DAPK2: variants seen among roughly 807,000 people sequenced by gnomAD.
DAPK2 encodes death associated protein kinase 2.
Under a neutral mutation model 44.1 loss-of-function variants are expected in DAPK2, and 35 were observed. The ratio of observed to expected loss-of-function variants is 0.79; its 90% CI spans 0.61 to 1.05. The LOEUF (loss-of-function observed/expected upper bound fraction) is 1.05. DAPK2 is among the 50% of genes least tolerant of loss of function. DAPK2 has a pLI of 0.00. For synonymous variants in DAPK2, 174 were observed against 182.6 expected, an observed-to-expected ratio of 0.95 and a Z score of 0.38; for missense variants, 453 against 483.2, an observed-to-expected ratio of 0.94 and a Z score of 0.59.
intron 1 of DAPK2, among the ~76,000 whole-genome samples, chr15:64,036,975 G>T (rs1431138534): frequency 1.3e-5 from 2 of 152,136 alleles, no homozygotes; most frequent in Non-Finnish European, 2.9e-5. Flanking sequence ...AGCTCTGAGA[G>T]GGATTCCTGA....
At chr15:64,002,185 C>T (rs2079102232) in intron 1 of DAPK2, among the ~76,000 whole-genome samples, 1 of 152,202 alleles carries the variant, frequency 6.6e-6, no homozygotes, top group Admixed American at 6.5e-5. Context: ...TCCAAGGTGG[C>T]ACCTCTGATC....
chr15:64,014,549 C>T (rs1157097665), intron 1 of DAPK2, among the ~76,000 whole-genome samples: 1 of 152,202 alleles, frequency 6.6e-6, no homozygotes, highest in Non-Finnish European at 1.5e-5. Context: ...CCAAAGACTG[C>T]ATGGTACTGC....
chr15:63,927,292 G>T (rs968726845), intron 6 of DAPK2, among the ~76,000 whole-genome samples: 1 of 152,144 alleles, frequency 6.6e-6, no homozygotes, highest in Non-Finnish European at 1.5e-5. Context: ...ATCAAGAGTT[G>T]GTCCTTACCC....
At chr15:63,978,076 C>T (rs1023708771) in intron 2 of DAPK2, among the ~76,000 whole-genome samples, 6 of 152,238 alleles carry the variant, frequency 3.9e-5, no homozygotes, top group Middle Eastern at 3.4e-3. Context: ...GCAAGAAAGA[C>T]ATTCAATCAG....
chr15:64,020,760 T>TACTA lies in DAPK2; in HGVS notation c.92+19406_92+19409dup, dbSNP rs1404835043. On this transcript the variant is annotated intron_variant, in intron 1 of 10. Coordinates refer to ENST00000261891, the Ensembl canonical transcript of DAPK2. The surrounding 1 kb of genome is among the most constrained non-coding windows in gnomAD (Gnocchi z 4.5). Reference sequence around the variant, plus strand: ...TCCCTGTTCCCAAAAGCACCTCAGGTACTAGAAGGAATAAATCAAAAGGGA... The same window carrying TACTA: ...TCCCTGTTCCCAAAAGCACCTCAGGTACTAACTAGAAGGAATAAATCAAAAGGGA... Among the ~76,000 whole-genome samples the TACTA allele has an allele frequency of 3.9e-5, 6 of 152,222 alleles. No homozygotes were observed. In the East Asian group the frequency reaches 1.2e-3, roughly 29 times the overall value.
chr15:63,925,818 G>C lies in DAPK2; in HGVS notation c.812+123C>G, dbSNP rs899330339. The C allele has an allele frequency of 1.4e-5, 18 of 1,269,944 alleles. No homozygotes were observed. The East Asian group carries it at 4.2e-4, about 30-fold the overall frequency. 78.7% of individuals were successfully genotyped at this position (1,269,944 alleles called of 1,614,324 possible). A position where few individuals can be genotyped will look rare whatever the true frequency, so the allele number is the denominator to read the frequency against. ...AGGCCACACTTTCCAGCACCTGCCC[G>C]GATTAGACCACAACAGTGCAGATGA... On this transcript the variant is annotated intron_variant, in intron 7 of 10. Transcript: ENST00000261891.
Position 63,971,578 on chromosome 15 carries a change from G to T in DAPK2, c.315-17C>A, listed in dbSNP as rs542038570. On this transcript the variant is annotated splice_polypyrimidine_tract_variant and intron_variant, in intron 2 of 10. Coordinates refer to ENST00000261891, the Ensembl canonical transcript of DAPK2. ...CCAGACACTCTGTAAAACACCAGCGGGGGGAGGGGAGGCCCAGGCCCAGTC... is the reference window on the plus strand; with the variant it reads ...CCAGACACTCTGTAAAACACCAGCGTGGGGAGGGGAGGCCCAGGCCCAGTC... 8.1e-6 allele frequency: 13 copies of T among 1,613,244 alleles called. No homozygotes were observed. Among genetic ancestry groups the T allele is most frequent in the Middle Eastern group, 3.3e-4 (2 of 6,050 alleles).
rs1040361675 is a variant in DAPK2 at position 63,923,433 on chromosome 15, G to C, written c.858+1383C>G. ...AAGGGTAGGCAGAAGGCACACAAGC[G>C]GCCTCTGGCATTCACTGCATGCGTC... On this transcript the variant is annotated intron_variant, in intron 8 of 10. Transcript: ENST00000261891. The surrounding 1 kb of genome is among the most constrained non-coding windows in gnomAD (Gnocchi z 4.2). 2 of 1,473,418 alleles carry C rather than the reference G, an allele frequency of 1.4e-6. No individual in the cohort carries two copies. The highest frequency in any genetic ancestry group is 2.5e-5 in the East Asian group (1 of 40,386). 91.3% of individuals were successfully genotyped at this position (1,473,418 alleles called of 1,614,324 possible).
chr15:63,929,872 C>G, intron 5 of DAPK2: 3 of 569,112 alleles, frequency 5.3e-6, no homozygotes, highest in Non-Finnish European at 1.0e-5. Flanking sequence ...CCCTTCCCCC[C>G]TTGTAAAATG....
At chr15:63,938,242 T>C (rs1215920674) in intron 4 of DAPK2, among the ~76,000 whole-genome samples, 1 of 152,206 alleles carries the variant, frequency 6.6e-6, no homozygotes, top group African/African-American at 2.4e-5. Context: ...TGTATTTGAA[T>C]CTCAGCTCCA....
chr15:63,951,073 G>A (rs1260982222), intron 3 of DAPK2, among the ~76,000 whole-genome samples: 5 of 152,116 alleles, frequency 3.3e-5, no homozygotes, highest in Non-Finnish European at 7.4e-5. Flanking sequence ...CCGGGGTTCT[G>A]GATTCCTGGC....
At chr15:63,947,134 G>A (rs1276257464) in intron 3 of DAPK2, among the ~76,000 whole-genome samples, 3 of 151,892 alleles carry the variant, frequency 2.0e-5, no homozygotes, top group Admixed American at 1.3e-4. Flanking sequence ...ATCCCACCCT[G>A]CAGTTCACTC....
At chr15:63,943,977 T>G (rs2077385137) in intron 3 of DAPK2, among the ~76,000 whole-genome samples, 1 of 152,104 alleles carries the variant, frequency 6.6e-6, no homozygotes, top group Non-Finnish European at 1.5e-5. Context: ...ACACAGCTGT[T>G]TTCCTCCTCT....
rs937945141 is a variant in DAPK2, at chr15:63,917,036, G to C, written c.859-4839C>G. On this transcript the variant is annotated intron_variant, in intron 8 of 10. Transcript: ENST00000261891. This position sits in a 1 kb window ranked among gnomAD's most constrained non-coding sequence, Gnocchi z 4.4. Reference sequence around the variant, plus strand: ...AGATGAAGGAATTATTGCTGATTTTGTCAAGTGTGATAATGGCATGGGGTT... The same window carrying C: ...AGATGAAGGAATTATTGCTGATTTTCTCAAGTGTGATAATGGCATGGGGTT... 6.6e-6 allele frequency: 1 copy of C among 152,194 alleles called. No individual in the cohort carries two copies. The highest frequency in any genetic ancestry group is 1.5e-5 in the Non-Finnish European group (1 of 68,066). 9.4% of individuals were successfully genotyped at this position (152,194 alleles called of 1,614,324 possible).
At chr15:63,972,159 C>T (rs2078230938) in intron 2 of DAPK2, among the ~76,000 whole-genome samples, 1 of 152,308 alleles carries the variant, frequency 6.6e-6, no homozygotes. Flanking sequence ...GACTCCAGGA[C>T]TGTGAGAAAT....
chr15:64,016,597 C>G (rs2079532117), intron 1 of DAPK2, among the ~76,000 whole-genome samples: 1 of 152,098 alleles, frequency 6.6e-6, no homozygotes, highest in Admixed American at 6.6e-5. Context: ...AGTTCAAGAC[C>G]AGCCTAGGCA....
At chr15:63,983,326 C>A (rs576680549) in intron 2 of DAPK2, among the ~76,000 whole-genome samples, 1 of 152,218 alleles carries the variant, frequency 6.6e-6, no homozygotes, top group East Asian at 1.9e-4. Context: ...GCTTGCCCCT[C>A]CTTTGGCTCA....
rs573874053 is a variant in DAPK2 at position 64,021,913 on chromosome 15, G to C, written c.92+18257C>G. Among the ~76,000 whole-genome samples, 3 of 152,332 alleles carry C rather than the reference G, an allele frequency of 2.0e-5. No individual in the cohort carries two copies. In the South Asian group the frequency reaches 6.2e-4, roughly 32 times the overall value. ...AGAGGAGAAAGCTTGGAAGTATTGGGAGGTAAGTTTGGACAGCAGAGTGGG... is the reference window on the plus strand; with the variant it reads ...AGAGGAGAAAGCTTGGAAGTATTGGCAGGTAAGTTTGGACAGCAGAGTGGG... On this transcript the variant is annotated intron_variant, in intron 1 of 10. Coordinates refer to ENST00000261891, the Ensembl canonical transcript of DAPK2.
At position 64,032,647 on chromosome 15, in the gene DAPK2, G is replaced by A. The variant is rs141882498; in HGVS notation, c.92+7523C>T. ...AAAAATACCCCTGCAAAGATTAGTA[G>A]GCAAGATTCAGAAATAAAAATAGCC... is the stretch of plus-strand genomic sequence containing the variant. On this transcript the variant is annotated intron_variant, in intron 1 of 10. Transcript: ENST00000261891. Among the ~76,000 whole-genome samples the A allele has an allele frequency of 1.1e-3, 166 of 152,210 alleles. 2 individuals are homozygous for A. In the South Asian group the frequency reaches 0.027, roughly 25 times the overall value.
Sources: allele counts gnomAD v4.1 joint callset (sites outside exome capture counted in the v4.1 genomes callset), GRCh38; gene constraint gnomAD v4.1.1; non-coding constraint Gnocchi (gnomAD v3.1); transcripts MANE v1.5; gene names NCBI Gene and HGNC (gene_info 2026-07-23, HGNC 2026-07-21).